The following RASGRF1 variants were observed in gnomAD, a reference collection of about 807,000 sequenced individuals.
RASGRF1 encodes ras-specific guanine nucleotide-releasing factor 1.
Under a neutral mutation model 138.7 loss-of-function variants are expected in RASGRF1, and 40 were observed. The observed-to-expected ratio is 0.29, with a 90% CI of 0.22 to 0.38. The LOEUF is 0.38. Ranked by LOEUF, RASGRF1 falls within the 10% of genes least tolerant of loss-of-function variation. RASGRF1 has a pLI of 1.00. For synonymous variants in RASGRF1, 614 were observed against 663.2 expected (o/e 0.93, Z 1.14); for missense variants, 1,108 against 1,650.4 (o/e 0.67, Z 5.69).
rs1485751191 is a variant in RASGRF1, at chr15:79,064,496, T to C, written c.307A>G (p.Asn103Asp). 6.2e-7 allele frequency: 1 copy of C among 1,614,088 alleles called. No homozygotes were observed. Among genetic ancestry groups the C allele is most frequent in the Non-Finnish European group, 8.5e-7 (1 of 1,180,044 alleles). Residue 103 changes from asparagine to aspartate, a missense_variant, in exon 2 of 27, where the codon AAC (asparagine) becomes GAC (aspartate). By Grantham distance (23) the Asn-to-Asp change is conservative. Coordinates refer to ENST00000558480, the MANE Select transcript of RASGRF1 (RefSeq NM_001145648.3). ...HYFTVNFSHE[N>D]QKALELRTED... ...GTCCTCAGCTCCAAGGCTTTCTGGT[T>C]CTCATGGCTGAAGTTCACCGTGAAG...
intron 3 of RASGRF1, among the ~76,000 whole-genome samples, chr15:79,052,593 G>A (rs149532607): frequency 3.3e-5 from 5 of 152,312 alleles, no homozygotes; most frequent in Non-Finnish European, 7.3e-5. Flanking sequence ...GAGGTGGCTT[G>A]CAATCCAACA....
At chr15:78,971,353 A>C (rs2055756126) in intron 26 of RASGRF1, among the ~76,000 whole-genome samples, 1 of 152,216 alleles carries the variant, frequency 6.6e-6, no homozygotes, top group African/African-American at 2.4e-5. Context: ...AATAGGAATG[A>C]TCTCCAAGAT....
chr15:79,089,202 T>A (rs918211144), intron 1 of RASGRF1, among the ~76,000 whole-genome samples: 1 of 152,216 alleles, frequency 6.6e-6, no homozygotes, highest in Non-Finnish European at 1.5e-5. Flanking sequence ...AGTGTCCCCA[T>A]CTAGGCAATC....
At position 79,003,963 on chromosome 15, in the gene RASGRF1, G is replaced by GAGTTGC; in HGVS notation, c.2282_2287dup (p.Cys761_Asn762dup). On this transcript the variant is annotated inframe_insertion, in exon 15 of 27. Transcript: ENST00000558480. ...CGAGTACATGCTGGTGTAGCCATTG[G>GAGTTGC]AGTTGCAGCTGAGGGCGGCCAGGTC... The GAGTTGC allele has an allele frequency of 6.2e-7, 1 of 1,614,156 alleles. No homozygotes were observed. Among genetic ancestry groups the GAGTTGC allele is most frequent in the Non-Finnish European group, 8.5e-7 (1 of 1,179,986 alleles).
At chr15:79,036,301 G>C (rs890507738) in intron 5 of RASGRF1, among the ~76,000 whole-genome samples, 8 of 152,240 alleles carry the variant, frequency 5.3e-5, no homozygotes, top group Non-Finnish European at 1.2e-4. Flanking sequence ...GGCCCAGAGA[G>C]AGAAAGTGAG....
At chr15:79,016,695 G>A (rs1447497092) in intron 12 of RASGRF1, among the ~76,000 whole-genome samples, 3 of 152,214 alleles carry the variant, frequency 2.0e-5, no homozygotes, top group East Asian at 3.8e-4. Flanking sequence ...GAACAGGCAC[G>A]TGCCATGCAT....
chr15:78,999,716 C>T, intron 17 of RASGRF1, 27 bp downstream of exon 17: 1 of 1,607,380 alleles, frequency 6.2e-7, no homozygotes, highest in Non-Finnish European at 8.5e-7. Context: ...TGGGGAGGAC[C>T]CTGTGAGTGG....
chr15:79,090,549 C>T lies in RASGRF1; in HGVS notation c.-51G>A. On this transcript the variant is annotated 5_prime_UTR_variant, in exon 1 of 27. Coordinates refer to ENST00000558480, the MANE Select transcript of RASGRF1 (RefSeq NM_001145648.3). ...ACGCGCTTACATCTTCTCCGCGCAG[C>T]AGCCCCCCGTCCGTGCGCGCTGCGC... The T allele has an allele frequency of 6.3e-7, 1 of 1,586,614 alleles. No homozygotes were observed. The highest frequency in any genetic ancestry group is 8.6e-7 in the Non-Finnish European group (1 of 1,168,358).
At chr15:79,005,260 A>T (rs754829505) in intron 14 of RASGRF1, 15 of 985,660 alleles carry the variant, frequency 1.5e-5, no homozygotes, top group Non-Finnish European at 1.8e-5. Context: ...TTGCTCTGGC[A>T]GCAGAGGTGT....
intron 1 of RASGRF1, among the ~76,000 whole-genome samples, chr15:79,083,672 T>C (rs2057943635): frequency 6.6e-6 from 1 of 152,232 alleles, no homozygotes; most frequent in Admixed American, 6.5e-5. Context: ...GATGTGTTTG[T>C]GGATGAAGAG....
chr15:79,057,815 G>C (rs1019570663), intron 3 of RASGRF1, among the ~76,000 whole-genome samples: 1 of 152,210 alleles, frequency 6.6e-6, no homozygotes, highest in African/African-American at 2.4e-5. Flanking sequence ...CAACAATGCC[G>C]CCTCCAGAAT....
chr15:79,047,821 A>G (rs2057375150), intron 4 of RASGRF1, among the ~76,000 whole-genome samples: 1 of 152,180 alleles, frequency 6.6e-6, no homozygotes, highest in Non-Finnish European at 1.5e-5. Context: ...CCACACTGGG[A>G]GGAAGGGTAC....
chr15:79,015,512 C>A, intron 12 of RASGRF1, 103 bp from the exon 13 acceptor site: 1 of 1,044,094 alleles, frequency 9.6e-7, no homozygotes, highest in South Asian at 1.4e-5. Flanking sequence ...CAGTCTGATA[C>A]AGGGTCCTCA....
intron 23 of RASGRF1, 123 bp from the exon 24 acceptor site, chr15:78,980,822 C>T: frequency 1.5e-6 from 1 of 650,182 alleles, no homozygotes; most frequent in Non-Finnish European, 2.5e-6. Flanking sequence ...CCCTTGGGAT[C>T]TGGGGGCCTC....
At chr15:79,054,936 G>A (rs2057490535) in intron 3 of RASGRF1, among the ~76,000 whole-genome samples, 1 of 152,166 alleles carries the variant, frequency 6.6e-6, no homozygotes, top group Non-Finnish European at 1.5e-5. Flanking sequence ...GTGGGATGGG[G>A]CCTGAGGAAG....
At chr15:79,019,819 C>T (rs2056933116) in intron 11 of RASGRF1, among the ~76,000 whole-genome samples, 1 of 152,208 alleles carries the variant, frequency 6.6e-6, no homozygotes, top group Non-Finnish European at 1.5e-5. Flanking sequence ...AAGCCTCAGG[C>T]TCTGGCCTCT....
chr15:79,047,056 T>C, intron 4 of RASGRF1, 57 bp from the exon 5 acceptor site: 1 of 1,577,946 alleles, frequency 6.3e-7, no homozygotes, highest in Non-Finnish European at 8.6e-7. Context: ...ACCACTCCTG[T>C]CCTTCCAGGC....
intron 14 of RASGRF1, chr15:79,005,220 G>A (rs1274082826): frequency 2.0e-6 from 2 of 985,462 alleles, no homozygotes; most frequent in East Asian, 2.3e-4. Flanking sequence ...GGGAACAGAA[G>A]AGGGAACGGG....
Position 79,046,736 on chromosome 15 carries a change from G to C in RASGRF1, c.878+10C>G, listed in dbSNP as rs148381285. 2.0e-4 allele frequency: 322 copies of C among 1,613,744 alleles called. 2 individuals are homozygous for C. In the African/African-American group the frequency reaches 3.7e-3, roughly 19 times the overall value. On this transcript the variant is annotated intron_variant, in intron 5 of 26. Coordinates refer to ENST00000558480, the MANE Select transcript of RASGRF1 (RefSeq NM_001145648.3). The surrounding 1 kb of genome is among the most constrained non-coding windows in gnomAD (Gnocchi z 5.3). Reference sequence around the variant, plus strand: ...CCTTCCTGCCTTGGCCAACCTTTAGGGGTGCTCACCTGTTCAGGAAGATGC... The same window carrying C: ...CCTTCCTGCCTTGGCCAACCTTTAGCGGTGCTCACCTGTTCAGGAAGATGC...
Sources: gnomAD v4.1 joint callset for allele counts (sites outside exome capture counted in the v4.1 genomes callset) on GRCh38, gnomAD v4.1.1 for gene constraint, Gnocchi (gnomAD v3.1) non-coding constraint, MANE v1.5 for transcripts, NCBI Gene and HGNC (gene_info 2026-07-23, HGNC 2026-07-21) for gene names.